The following LRRC37A2 variants were observed in gnomAD, a reference collection of about 807,000 sequenced individuals.
LRRC37A2 encodes leucine rich repeat containing 37 member A2, also known as leucine-rich repeat-containing protein 37A2.
In LRRC37A2, 9 loss-of-function variants were observed where a neutral mutation model predicts 68.8. The ratio of observed to expected loss-of-function variants is 0.13; its 90% CI spans 0.08 to 0.23. The LOEUF (loss-of-function observed/expected upper bound fraction) is 0.23. LRRC37A2 is among the 10% of genes least tolerant of loss of function. The pLI is 1.00. For synonymous variants in LRRC37A2, 63 were observed against 367.6 expected (o/e 0.17, Z 9.48); for missense variants, 168 against 950.4 (o/e 0.18, Z 10.82).
At chr17:46,975,727 C>T in the LRRC37A2 span, among the ~76,000 whole-genome samples, 1 of 152,148 alleles carries the variant, frequency 6.6e-6, no homozygotes, top group Non-Finnish European at 1.5e-5. Flanking sequence ...GACTTGTACA[C>T]CACAGGGGAC....
the LRRC37A2 span, among the ~76,000 whole-genome samples, chr17:46,893,822 C>T: frequency 6.6e-6 from 1 of 152,182 alleles, no homozygotes; most frequent in African/African-American, 2.4e-5. Flanking sequence ...AGGGCAGAGC[C>T]TGGAAAAAGC....
the LRRC37A2 span, among the ~76,000 whole-genome samples, chr17:46,726,152 A>G: frequency 6.6e-6 from 1 of 152,212 alleles, no homozygotes; most frequent in Non-Finnish European, 1.5e-5. Context: ...TGCTTAACAG[A>G]GCCACAATTC....
At chr17:46,533,611 A>C (rs2054076864) in intron 6 of LRRC37A2, among the ~76,000 whole-genome samples, 1 of 92,350 alleles carries the variant, frequency 1.1e-5, no homozygotes, top group Non-Finnish European at 1.9e-5. Flanking sequence ...AAGCGATTCT[A>C]GTGCCTCAGC....
At chr17:46,884,387 C>A in the LRRC37A2 span, among the ~76,000 whole-genome samples, 1 of 152,216 alleles carries the variant, frequency 6.6e-6, no homozygotes, top group Admixed American at 6.5e-5. Context: ...ACACCCAGCC[C>A]CCTCTCCAAG....
At chr17:46,863,007 C>T in the LRRC37A2 span, among the ~76,000 whole-genome samples, 1 of 152,260 alleles carries the variant, frequency 6.6e-6, no homozygotes, top group Non-Finnish European at 1.5e-5. Flanking sequence ...GGGCCTGGCT[C>T]TCAGACCCCA....
chr17:46,979,186 G>A, the LRRC37A2 span: 1 of 598,310 alleles, frequency 1.7e-6, no homozygotes, highest in East Asian at 3.7e-5. Context: ...TGGGCACCGG[G>A]CGGGAAGCGA....
At chr17:46,929,547 G>A in the LRRC37A2 span, 44 of 1,569,864 alleles carry the variant, frequency 2.8e-5, no homozygotes, top group Non-Finnish European at 3.6e-5. Context: ...AGTCTTGCAT[G>A]GGACGCCTGG....
chr17:46,560,526 T>TA (rs947808165), downstream of LRRC37A2: 1 of 48,348 alleles, frequency 2.1e-5, no homozygotes, highest in African/African-American at 9.3e-5. Context: ...GAAGGCTGTC[T>TA]AGGGCACAAA....
chr17:46,492,695 T>G, the LRRC37A2 span, among the ~76,000 whole-genome samples: 13 of 106,102 alleles, frequency 1.2e-4, no homozygotes, highest in East Asian at 6.1e-4. Context: ...TTTTGTTTTT[T>G]TTTTTTTTTT....
the LRRC37A2 span, among the ~76,000 whole-genome samples, chr17:46,491,747 A>C: frequency 2.1e-5 from 3 of 146,288 alleles, no homozygotes; most frequent in Non-Finnish European, 3.0e-5. Context: ...TTTCTGTTTA[A>C]GTTTTTTTTT....
the LRRC37A2 span, chr17:46,978,963 G>A: frequency 2.8e-6 from 4 of 1,452,080 alleles, no homozygotes; most frequent in Non-Finnish European, 3.6e-6. Flanking sequence ...CGCCCACGCC[G>A]TCCACCTCCT....
At chr17:46,973,600 C>T in the LRRC37A2 span, among the ~76,000 whole-genome samples, 2 of 152,236 alleles carry the variant, frequency 1.3e-5, no homozygotes, top group South Asian at 2.1e-4. Flanking sequence ...GGTGAGCAGG[C>T]GCTGCCTCAG....
chr17:46,919,088 A>T, the LRRC37A2 span, among the ~76,000 whole-genome samples: 1 of 152,210 alleles, frequency 6.6e-6, no homozygotes, highest in Admixed American at 6.5e-5. Flanking sequence ...CAGTATATTA[A>T]AGAGCTTCTA....
chr17:47,025,122 G>C, the LRRC37A2 span, among the ~76,000 whole-genome samples: 2 of 152,066 alleles, frequency 1.3e-5, no homozygotes, highest in South Asian at 4.1e-4. Context: ...AATGGTTTTT[G>C]CATTTTTAAA....
At chr17:47,017,900 T>C in the LRRC37A2 span, 4 of 1,612,560 alleles carry the variant, frequency 2.5e-6, no homozygotes, top group Non-Finnish European at 3.4e-6. Context: ...TCCAGTCCTC[T>C]TCACTCCAAC....
chr17:46,778,029 C>T, the LRRC37A2 span, among the ~76,000 whole-genome samples: 1 of 152,170 alleles, frequency 6.6e-6, no homozygotes, highest in African/African-American at 2.4e-5. Flanking sequence ...GTTTCTTTAT[C>T]GGTAAAATAG....
At chr17:47,024,872 T>C in the LRRC37A2 span, 2 of 593,574 alleles carry the variant, frequency 3.4e-6, no homozygotes, top group African/African-American at 1.9e-5. Context: ...TTCTGTAAGT[T>C]TGTATAGGGT....
the LRRC37A2 span, among the ~76,000 whole-genome samples, chr17:46,991,029 T>TA: frequency 6.6e-6 from 1 of 152,226 alleles, no homozygotes; most frequent in Admixed American, 6.5e-5. Flanking sequence ...TCCAGGAATT[T>TA]ATCCCATTGC....
chr17:46,610,041 C>CTCTCTCTTTCTT, the LRRC37A2 span, among the ~76,000 whole-genome samples: 5 of 118,652 alleles, frequency 4.2e-5, no homozygotes, highest in Non-Finnish European at 5.6e-5. Flanking sequence ...CTCTCTCTCT[C>CTCTCTCTTTCTT]TCTTTCTTTC....
Sources: gnomAD v4.1 joint callset for allele counts (sites outside exome capture counted in the v4.1 genomes callset) on GRCh38, gnomAD v4.1.1 for gene constraint, MANE v1.5 for transcripts, NCBI Gene and HGNC (gene_info 2026-07-23, HGNC 2026-07-21) for gene names.